ADGRB1: variants seen among roughly 807,000 people sequenced by gnomAD.
ADGRB1 encodes the protein adhesion G protein-coupled receptor B1.
Under a neutral mutation model 175.7 loss-of-function variants are expected in ADGRB1, and 36 were observed. The ratio of observed to expected loss-of-function variants is 0.20; its 90% CI spans 0.16 to 0.27. The LOEUF (loss-of-function observed/expected upper bound fraction) is 0.27. Among genes scored for constraint, ADGRB1 ranks in the 10% least tolerant of loss-of-function variants. The pLI, the probability that ADGRB1 is intolerant of heterozygous loss-of-function variation, is 1.00. For missense variants in ADGRB1, 1,731 were observed against 2,255.3 expected (o/e 0.77, Z 4.71); for synonymous variants, 1,054 against 979.4 (o/e 1.08, Z -1.42).
intron 26 of ADGRB1, among the ~76,000 whole-genome samples, chr8:142,538,257 G>A (rs1181799416): frequency 1.3e-5 from 2 of 152,218 alleles, no homozygotes; most frequent in Non-Finnish European, 2.9e-5. Context: ...TGGGTCCCGG[G>A]GTGCCCAGCC....
rs762299756 is a variant in ADGRB1, at chr8:142,522,643, C to T, written c.3178C>T (p.Leu1060Phe). Residue 1060 changes from leucine to phenylalanine, a missense_variant and splice_region_variant, in exon 22 of 31, where the codon CTC becomes TTC. Physicochemically the swap from Leu to Phe is conservative, Grantham distance 22. This residue lies in a region of ADGRB1 where 301 missense variants were observed against 488.4 expected (regional missense o/e 0.62). Transcript: ENST00000517894. ...RKRFLCLGWG[L>F]PALVVAISVG... ...CCCTCTCTCTGCTCCTTCTCCAGGGCTCCCTGCACTGGTTGTGGCCATTTC... is the reference window on the plus strand; with the variant it reads ...CCCTCTCTCTGCTCCTTCTCCAGGGTTCCCTGCACTGGTTGTGGCCATTTC... 8 of 1,558,442 alleles carry T rather than the reference C, an allele frequency of 5.1e-6. No individual in the cohort carries two copies. The highest frequency in any genetic ancestry group is 1.2e-5 in the South Asian group (1 of 83,742).
rs1161168094 is a variant in ADGRB1, at chr8:142,537,658, C to G, written c.3666+576C>G. Among the ~76,000 whole-genome samples the G allele has an allele frequency of 6.6e-6, 1 of 152,136 alleles. No homozygotes were observed. Among genetic ancestry groups the G allele is most frequent in the Non-Finnish European group, 1.5e-5 (1 of 67,994 alleles). Reference sequence around the variant, plus strand: ...GGCTCTCTGCCCTCCCCCTGCCCATCCTGGTGTCCTCAGCGGTGTGTTCTG... The same window carrying G: ...GGCTCTCTGCCCTCCCCCTGCCCATGCTGGTGTCCTCAGCGGTGTGTTCTG... On this transcript the variant is annotated intron_variant, in intron 26 of 30. Coordinates refer to ENST00000517894, the MANE Select transcript of ADGRB1 (RefSeq NM_001702.3). The surrounding 1 kb of genome is among the most constrained non-coding windows in gnomAD (Gnocchi z 4.6).
chr8:142,464,074 C>A lies in ADGRB1; in HGVS notation c.-125C>A. Reference sequence around the variant, plus strand: ...CCTGAAGCGGGGCCCTCTCCCATCCCACCCTTGCCCCGCCTCCCTGCCCCC... The same window carrying A: ...CCTGAAGCGGGGCCCTCTCCCATCCAACCCTTGCCCCGCCTCCCTGCCCCC... On this transcript the variant is annotated 5_prime_UTR_variant, in exon 2 of 31. Transcript: ENST00000517894. The A allele has an allele frequency of 1.7e-6, 1 of 595,570 alleles. No homozygotes were observed. The highest frequency in any genetic ancestry group is 2.2e-6 in the Non-Finnish European group (1 of 444,464). The allele number at this position is 595,570 out of a possible 1,614,324, so 36.9% of individuals were successfully genotyped here.
intron 24 of ADGRB1, among the ~76,000 whole-genome samples, chr8:142,530,110 A>T (rs991495370): frequency 6.7e-6 from 1 of 148,264 alleles, no homozygotes; most frequent in African/African-American, 2.6e-5. Flanking sequence ...ATTTTGCGTT[A>T]GTGTGTGTGT....
chr8:142,544,393 C>T lies in ADGRB1; in HGVS notation c.4731C>T (p.Ile1577=), dbSNP rs937286467. 7 of 1,511,430 alleles carry T rather than the reference C, an allele frequency of 4.6e-6. No individual in the cohort carries two copies. Among genetic ancestry groups the T allele is most frequent in the South Asian group, 1.3e-5 (1 of 78,300 alleles). The allele number at this position is 1,511,430 out of a possible 1,614,324, so 93.6% of individuals were successfully genotyped here. A position where few individuals can be genotyped will look rare whatever the true frequency, so the allele number is the denominator to read the frequency against. The change falls in exon 31 of 31, where the codon ATC becomes ATT. Residue 1577 remains isoleucine (I), a synonymous_variant. Coordinates refer to ENST00000517894, the MANE Select transcript of ADGRB1 (RefSeq NM_001702.3). The part of the protein sequence containing the change: ...GATIPLVGQD[I]IDLQTEV ...CGATCCCGCTGGTGGGCCAGGACAT[C>T]ATCGACCTCCAGACCGAGGTCTGAG...
Position 142,503,580 on chromosome 8 carries a change from C to T in ADGRB1, c.2676-7352C>T, listed in dbSNP as rs537106421. ...AGGTGCGGGTCTGCATGAGGCAAGA[C>T]GGCTCGGGCAGGCTTCTGAGTGCCA... On this transcript the variant is annotated intron_variant, in intron 17 of 30. Coordinates refer to ENST00000517894, the MANE Select transcript of ADGRB1 (RefSeq NM_001702.3). 3.0e-4 allele frequency among the ~76,000 whole-genome samples: 45 copies of T among 152,240 alleles called. 1 individual carries two copies. The South Asian group carries it at 8.1e-3, about 27-fold the overall frequency.
rs7003106 is a variant in ADGRB1 at position 142,464,582 on chromosome 8, C to T, written c.384C>T (p.Asp128=). Residue 128 remains aspartate, a synonymous_variant, in exon 2 of 31, where the codon GAC becomes GAT. Coordinates refer to ENST00000517894, the MANE Select transcript of ADGRB1 (RefSeq NM_001702.3). The part of the protein sequence containing the change: ...ESFDEVLRLC[D]PSAPLAFLQA... ...TCGACGAGGTGCTGCGGCTCTGCGA[C>T]CCCTCCGCACCCCTGGCCTTCCTGC... 9.3e-5 allele frequency: 142 copies of T among 1,533,150 alleles called. No homozygotes were observed. The African/African-American group carries it at 1.8e-3, about 19-fold the overall frequency. The allele number at this position is 1,533,150 out of a possible 1,614,324, so 95.0% of individuals were successfully genotyped here. A position where few individuals can be genotyped will look rare whatever the true frequency, so the allele number is the denominator to read the frequency against.
At chr8:142,476,549 G>A (rs1374452022) in intron 3 of ADGRB1, 36 bp from the exon 4 acceptor site, 3 of 1,535,214 alleles carry the variant, frequency 2.0e-6, no homozygotes, top group East Asian at 4.9e-5. Flanking sequence ...CGGGGGCAAA[G>A]AACCGCTCCT....
rs1297064404 is a variant in ADGRB1, at chr8:142,543,854, G to C, written c.4557+146G>C. 12 of 914,520 alleles carry C rather than the reference G, an allele frequency of 1.3e-5. No individual in the cohort carries two copies. The African/African-American group carries it at 2.0e-4, about 15-fold the overall frequency. 56.7% of individuals were successfully genotyped at this position (914,520 alleles called of 1,614,324 possible). ...TTCATTCATTCGCCCATCCCTGAGGGCTGGCCTGACCCTGCCATGCCAGAC... is the reference window on the plus strand; with the variant it reads ...TTCATTCATTCGCCCATCCCTGAGGCCTGGCCTGACCCTGCCATGCCAGAC... On this transcript the variant is annotated intron_variant, in intron 30 of 30. Coordinates refer to ENST00000517894, the MANE Select transcript of ADGRB1 (RefSeq NM_001702.3). The surrounding 1 kb of genome is among the most constrained non-coding windows in gnomAD (Gnocchi z 4.4).
rs989454382 is a variant in ADGRB1, at chr8:142,474,656, G to A, written c.785-818G>A. Among the ~76,000 whole-genome samples, 2 of 152,186 alleles carry A rather than the reference G, an allele frequency of 1.3e-5. No individual in the cohort carries two copies. The highest frequency in any genetic ancestry group is 4.8e-5 in the African/African-American group (2 of 41,452). On this transcript the variant is annotated intron_variant, in intron 2 of 30. Coordinates refer to ENST00000517894, the MANE Select transcript of ADGRB1 (RefSeq NM_001702.3). This position sits in a 1 kb window ranked among gnomAD's most constrained non-coding sequence, Gnocchi z 5.8. ...TTTTTGGCAGCACGAGGACCCCCCGGGAGCAGAGACTCCTGGGGCGTGAGG... is the reference window on the plus strand; with the variant it reads ...TTTTTGGCAGCACGAGGACCCCCCGAGAGCAGAGACTCCTGGGGCGTGAGG...
chr8:142,536,931 G>A lies in ADGRB1; in HGVS notation c.3571-56G>A, dbSNP rs567031449. The A allele has an allele frequency of 8.3e-6, 12 of 1,451,490 alleles. No homozygotes were observed. In the East Asian group the frequency reaches 1.1e-4, roughly 13 times the overall value. The allele number at this position is 1,451,490 out of a possible 1,614,324, so 89.9% of individuals were successfully genotyped here. A position where few individuals can be genotyped will look rare whatever the true frequency, so the allele number is the denominator to read the frequency against. On this transcript the variant is annotated intron_variant, in intron 25 of 30. Coordinates refer to ENST00000517894, the MANE Select transcript of ADGRB1 (RefSeq NM_001702.3). The stretch of plus-strand genomic sequence containing the variant: ...ACAGGTGCTGCTCATCTGATCTGGC[G>A]CTGGCGCAGGGTGGGGGCGTGGCTG...
chr8:142,528,370 C>T (rs939588941), intron 24 of ADGRB1, among the ~76,000 whole-genome samples: 5 of 152,186 alleles, frequency 3.3e-5, no homozygotes, highest in Non-Finnish European at 5.9e-5. Flanking sequence ...CCCACCACAG[C>T]GCCCACGCCC....
chr8:142,481,335 T>C lies in ADGRB1; in HGVS notation c.1910T>C (p.Ile637Thr), dbSNP rs766324478. Residue 637 changes from isoleucine (I) to threonine (T), a missense_variant, in exon 10 of 31, where the codon ATT (isoleucine) becomes ACT (threonine). Around this residue, in one of 8 missense-constraint regions of ADGRB1, gnomAD observed 388 missense variants for 630.9 expected, o/e 0.61. Coordinates refer to ENST00000517894, the MANE Select transcript of ADGRB1 (RefSeq NM_001702.3). ...CCCACCTACATCCGCTGTGTTTCCA[T>C]TGACTACAGAAACATCCAGATGATG... Reference protein sequence around the residue: ...EPPTYIRCVSIDYRNIQMMTR... With the variant: ...EPPTYIRCVSTDYRNIQMMTR... The C allele has an allele frequency of 1.9e-6, 3 of 1,613,700 alleles. No homozygotes were observed. The Admixed American group carries it at 5.0e-5, about 27-fold the overall frequency.
chr8:142,514,170 C>T lies in ADGRB1; in HGVS notation c.2817+3097C>T, dbSNP rs148519168. ...TCTGAGTGGGCAGAGGCTGTGGCTT[C>T]GGGGGTTCAGAGTGGCCTACAGGGG... On this transcript the variant is annotated intron_variant, in intron 18 of 30. Transcript: ENST00000517894. Among the ~76,000 whole-genome samples, 475 of 152,062 alleles carry T rather than the reference C, an allele frequency of 3.1e-3. 3 individuals are homozygous for T. The highest frequency in any genetic ancestry group is 9.9e-3 in the African/African-American group (411 of 41,454).
chr8:142,529,402 T>G (rs1483592382), intron 24 of ADGRB1, among the ~76,000 whole-genome samples: 4 of 152,112 alleles, frequency 2.6e-5, no homozygotes, highest in Non-Finnish European at 5.9e-5. Flanking sequence ...TAATTTCGCT[T>G]GTAGCCAACC....
chr8:142,539,898 A>G, intron 27 of ADGRB1: 1 of 158,578 alleles, frequency 6.3e-6, no homozygotes, highest in Non-Finnish European at 1.4e-5. Context: ...GGCTAGGGGG[A>G]CAACGGGGAG....
At chr8:142,532,245 C>T (rs912969872) in intron 24 of ADGRB1, among the ~76,000 whole-genome samples, 9 of 152,222 alleles carry the variant, frequency 5.9e-5, no homozygotes, top group Admixed American at 3.9e-4. Flanking sequence ...GGCCACCTCC[C>T]GAGCACTCAC....
intron 2 of ADGRB1, among the ~76,000 whole-genome samples, chr8:142,469,367 ATG>A (rs550474402): frequency 2.7e-4 from 39 of 146,706 alleles, no homozygotes; most frequent in African/African-American, 8.4e-4. Context: ...GTGCACGTGC[ATG>A]TGTGTGAATG....
Position 142,455,394 on chromosome 8 carries a change from A to C in ADGRB1, c.-220+5290A>C, listed in dbSNP as rs1374699469. ...CTTGTGGCGTTCTGTTCTCTCGGGC[A>C]TCCCTCTCTGGGGCTTGGTCAGGGG... On this transcript the variant is annotated intron_variant, in intron 1 of 30. Transcript: ENST00000517894. This position sits in a 1 kb window ranked among gnomAD's most constrained non-coding sequence, Gnocchi z 4.9. Among the ~76,000 whole-genome samples the C allele has an allele frequency of 6.6e-6, 1 of 151,916 alleles. No homozygotes were observed. Among genetic ancestry groups the C allele is most frequent in the Non-Finnish European group, 1.5e-5 (1 of 68,020 alleles).
Sources: gnomAD v4.1 joint callset for allele counts (sites outside exome capture counted in the v4.1 genomes callset) on GRCh38, gnomAD v4.1.1 for gene constraint, gnomAD v4.1.1 regional missense constraint, Gnocchi (gnomAD v3.1) non-coding constraint, MANE v1.5 for transcripts, NCBI Gene and HGNC (gene_info 2026-07-23, HGNC 2026-07-21) for gene names.